The following TTC28 variants were observed in gnomAD, a reference collection of about 807,000 sequenced individuals.
TTC28 encodes the protein tetratricopeptide repeat domain 28.
In TTC28, 61 loss-of-function variants were observed where a neutral mutation model predicts 198.0. The observed-to-expected ratio is 0.31, with a 90% CI of 0.25 to 0.38. The LOEUF (loss-of-function observed/expected upper bound fraction) is 0.38, where lower values mean the gene tolerates loss of function less well. Ranked by LOEUF, TTC28 falls within the 10% of genes least tolerant of loss-of-function variation. The pLI is 1.00. For missense variants in TTC28, 2,678 were observed against 3,164.0 expected, an observed-to-expected ratio of 0.85 and a Z score of 3.69; for synonymous variants, 1,171 against 1,297.8, an observed-to-expected ratio of 0.90 and a Z score of 2.10.
intron 2 of TTC28, among the ~76,000 whole-genome samples, chr22:28,401,920 T>C (rs981621392): frequency 3.3e-5 from 5 of 151,796 alleles, no homozygotes; most frequent in African/African-American, 1.2e-4. Context: ...TCACAACTGC[T>C]ATGTTTCAGA....
At position 27,982,413 on chromosome 22, in the gene TTC28, C is replaced by T. The variant is rs1043788345; in HGVS notation, c.7254G>A (p.Leu2418=). 1 of 1,551,376 alleles carries T rather than the reference C, an allele frequency of 6.4e-7. No homozygotes were observed. Among genetic ancestry groups the T allele is most frequent in the Non-Finnish European group, 8.7e-7 (1 of 1,146,982 alleles). The change falls in exon 23 of 23, where the codon CTG becomes CTA. Residue 2418 remains leucine, a synonymous_variant. Coordinates refer to ENST00000397906, the MANE Select transcript of TTC28 (RefSeq NM_001145418.2). This position sits in a 1 kb window ranked among gnomAD's most constrained non-coding sequence, Gnocchi z 5.2. ...VDKLELKELS[L]QQHDGAPPKA... is the part of the protein sequence containing the mutation. ...TCGGTGGAGCTCCGTCATGCTGCTG[C>T]AGGGACAGCTCCTTCAGTTCAAGCT...
rs368581340 is a variant in TTC28 at position 28,287,166 on chromosome 22, T to C, written c.933+9032A>G. 4.0e-4 allele frequency among the ~76,000 whole-genome samples: 61 copies of C among 152,288 alleles called. 1 individual carries two copies. In the East Asian group the frequency reaches 0.01, roughly 26 times the overall value. The stretch of plus-strand genomic sequence containing the variant: ...AAGAAATTTACTATTGTCATAAAGA[T>C]AGACAAAATTATTAACAGAGCAGAG... On this transcript the variant is annotated intron_variant, in intron 5 of 22. Transcript: ENST00000397906.
chr22:28,371,644 C>T (rs2046339112), intron 2 of TTC28, among the ~76,000 whole-genome samples: 1 of 85,018 alleles, frequency 1.2e-5, no homozygotes, highest in Non-Finnish European at 2.2e-5. Flanking sequence ...ACCCAGGCCA[C>T]TGATCTCAGC....
At chr22:28,188,602 A>T (rs761011348) in intron 5 of TTC28, among the ~76,000 whole-genome samples, 10 of 152,206 alleles carry the variant, frequency 6.6e-5, no homozygotes, top group Non-Finnish European at 1.5e-4. Context: ...TTAGAGATGA[A>T]GACGGAAATG....
chr22:28,051,372 G>A (rs1940080379), intron 12 of TTC28, among the ~76,000 whole-genome samples: 1 of 152,144 alleles, frequency 6.6e-6, no homozygotes, highest in Non-Finnish European at 1.5e-5. Flanking sequence ...TTTTCTGAGA[G>A]GATATTCAGA....
intron 2 of TTC28, among the ~76,000 whole-genome samples, chr22:28,556,101 G>C (rs374593201): frequency 1.3e-5 from 2 of 152,062 alleles, no homozygotes; most frequent in African/African-American, 4.8e-5. Context: ...GCTCATGCCT[G>C]TAATCCCAGC....
intron 12 of TTC28, among the ~76,000 whole-genome samples, chr22:28,059,891 C>A (rs564421314): frequency 7.3e-6 from 1 of 136,446 alleles, no homozygotes; most frequent in Non-Finnish European, 1.7e-5. Context: ...GTATGATTAC[C>A]GTTTACATGG....
At chr22:28,439,744 C>A (rs935494888) in intron 2 of TTC28, among the ~76,000 whole-genome samples, 5 of 152,158 alleles carry the variant, frequency 3.3e-5, no homozygotes, top group Non-Finnish European at 5.9e-5. Flanking sequence ...ATATTAAATG[C>A]CATTCTTACC....
chr22:28,098,007 G>A (rs957778682), intron 10 of TTC28, among the ~76,000 whole-genome samples: 1 of 152,168 alleles, frequency 6.6e-6, no homozygotes, highest in Non-Finnish European at 1.5e-5. Flanking sequence ...ACAGGTTATC[G>A]AAAAGGCCTC....
intron 2 of TTC28, among the ~76,000 whole-genome samples, chr22:28,446,571 C>T (rs891283003): frequency 2.6e-5 from 4 of 152,080 alleles, no homozygotes; most frequent in Admixed American, 1.3e-4. Flanking sequence ...CACCATCATC[C>T]CCCCATCTTG....
rs1194901069 is a variant in TTC28, at chr22:27,989,926, C to T, written c.5659G>A (p.Val1887Ile). ...ASAPIQVSISVQLWRLPGCHE... is the reference protein window; with the variant it reads ...ASAPIQVSISIQLWRLPGCHE... ...CATCCCGGGAGCCGCCACAGCTGGA[C>T]GCTGATGGAGACCTGAATGGGAGCT... is the stretch of plus-strand genomic sequence containing the variant. The change falls in exon 21 of 23, where the codon GTC (valine) becomes ATC (isoleucine). Residue 1887 changes from valine (V) to isoleucine (I), a missense_variant. Val to Ile is a conservative substitution (Grantham distance 29, BLOSUM62 3). Transcript: ENST00000397906. The T allele has an allele frequency of 1.6e-5, 25 of 1,551,314 alleles. No homozygotes were observed. The highest frequency in any genetic ancestry group is 1.9e-5 in the Non-Finnish European group (22 of 1,146,928).
intron 2 of TTC28, among the ~76,000 whole-genome samples, chr22:28,352,372 C>T (rs1488366303): frequency 6.7e-6 from 1 of 149,920 alleles, no homozygotes; most frequent in East Asian, 1.9e-4. Flanking sequence ...GTCAGTACAG[C>T]AAATATGGTA....
At chr22:28,047,843 A>C (rs1490364475) in intron 12 of TTC28, among the ~76,000 whole-genome samples, 4 of 152,160 alleles carry the variant, frequency 2.6e-5, no homozygotes, top group Non-Finnish European at 5.9e-5. Context: ...TGATAACAAG[A>C]GTATATCCTG....
chr22:28,677,003 AAATTAGCCGG>A (rs1332119591), intron 1 of TTC28, among the ~76,000 whole-genome samples: 1 of 151,528 alleles, frequency 6.6e-6, no homozygotes, highest in Non-Finnish European at 1.5e-5. Flanking sequence ...AAAAATACAA[AAATTAGCCGG>A]GCATGGCGGT....
chr22:28,104,611 C>T (rs541797107), intron 8 of TTC28, among the ~76,000 whole-genome samples: 9 of 152,216 alleles, frequency 5.9e-5, no homozygotes, highest in South Asian at 4.1e-4. Context: ...CTTCTGCTTT[C>T]GGAGGAAGGA....
In TTC28 at chr22:28,163,538, T is replaced by G; in HGVS notation, c.995A>C (p.Asn332Thr). ...HVYTAIGDYP[N>T]ALASHKQCVL... is the part of the protein sequence containing the mutation. The stretch of plus-strand genomic sequence containing the variant: ...ACACTGTTTGTGACTGGCCAGTGCA[T>G]TGGGGTAGTCTCCAATGGCTGTGTA... The change falls in exon 6 of 23, where the codon AAT becomes ACT. Residue 332 changes from asparagine to threonine, a missense_variant. Around this residue, in one of 8 missense-constraint regions of TTC28, gnomAD observed 775 missense variants for 845.9 expected, o/e 0.92. Transcript: ENST00000397906. The G allele has an allele frequency of 6.4e-7, 1 of 1,551,594 alleles. No individual in the cohort carries two copies. Among genetic ancestry groups the G allele is most frequent in the Non-Finnish European group, 8.7e-7 (1 of 1,146,952 alleles).
At chr22:28,602,184 A>G (rs749150248) in intron 2 of TTC28, among the ~76,000 whole-genome samples, 1 of 152,206 alleles carries the variant, frequency 6.6e-6, no homozygotes, top group Non-Finnish European at 1.5e-5. Context: ...CAAGAAAATA[A>G]CAATCAGGAA....
At chr22:28,493,246 C>T (rs1376978371) in intron 2 of TTC28, among the ~76,000 whole-genome samples, 1 of 151,954 alleles carries the variant, frequency 6.6e-6, no homozygotes, top group African/African-American at 2.4e-5. Flanking sequence ...ATCTCAGCTA[C>T]TCGGTAGGCT....
At chr22:28,554,803 G>A (rs1023895341) in intron 2 of TTC28, among the ~76,000 whole-genome samples, 25 of 152,218 alleles carry the variant, frequency 1.6e-4, no homozygotes, top group African/African-American at 5.5e-4. Flanking sequence ...CCTGGGAGGC[G>A]GAGGTTGCTG....
Sources: gnomAD v4.1 joint callset for allele counts (sites outside exome capture counted in the v4.1 genomes callset) on GRCh38, gnomAD v4.1.1 for gene constraint, gnomAD v4.1.1 regional missense constraint, Gnocchi (gnomAD v3.1) non-coding constraint, MANE v1.5 for transcripts, NCBI Gene and HGNC (gene_info 2026-07-23, HGNC 2026-07-21) for gene names.